The following PRRX1 variants were observed in gnomAD, a reference collection of about 807,000 sequenced individuals.
PRRX1 encodes paired related homeobox 1, also known as paired mesoderm homeobox protein 1.
Under a neutral mutation model 24.0 loss-of-function variants are expected in PRRX1, and 8 were observed. The observed-to-expected ratio is 0.33, with a 90% CI of 0.20 to 0.60. The LOEUF is 0.60. Ranked by LOEUF, PRRX1 falls within the 20% of genes least tolerant of loss-of-function variation. PRRX1 has a pLI of 0.82. For synonymous variants in PRRX1, 160 were observed against 131.7 expected, an observed-to-expected ratio of 1.22 and a Z score of -1.47; for missense variants, 281 against 322.4, an observed-to-expected ratio of 0.87 and a Z score of 0.98.
At chr1:170,683,918 C>T (rs574710652) in intron 1 of PRRX1, among the ~76,000 whole-genome samples, 2 of 152,206 alleles carry the variant, frequency 1.3e-5, no homozygotes, top group East Asian at 1.9e-4. Flanking sequence ...GAAACAGTAA[C>T]CAAAATTCAG....
chr1:170,664,045 ATTT>A (rs11286665), upstream of PRRX1: 38 of 548,674 alleles, frequency 6.9e-5, no homozygotes, highest in Non-Finnish European at 9.3e-5. Context: ...CTCTTTTCCA[ATTT>A]TTTTTTTTTG....
At chr1:170,676,848 A>G (rs1653335513) in intron 1 of PRRX1, among the ~76,000 whole-genome samples, 1 of 152,182 alleles carries the variant, frequency 6.6e-6, no homozygotes. Flanking sequence ...ACATATTGCC[A>G]TGCTGCACAG....
At chr1:170,667,653 C>A (rs1460704665) in intron 1 of PRRX1, 2 of 152,184 alleles carry the variant, frequency 1.3e-5, no homozygotes, top group Non-Finnish European at 2.9e-5. Flanking sequence ...AGCAGACTCT[C>A]CCCCACCCCC....
intron 3 of PRRX1, among the ~76,000 whole-genome samples, chr1:170,731,675 A>G (rs566274932): frequency 3.3e-5 from 5 of 152,286 alleles, no homozygotes; most frequent in African/African-American, 9.6e-5. Context: ...AATGATAAAA[A>G]ATGATTTGTC....
chr1:170,703,561 AC>A (rs766237301), intron 1 of PRRX1, among the ~76,000 whole-genome samples: 1 of 152,178 alleles, frequency 6.6e-6, no homozygotes, highest in Non-Finnish European at 1.5e-5. Flanking sequence ...CTCTGTCTTC[AC>A]AGAGTTTATA....
chr1:170,716,392 GGCTAA>G (rs1654908477), intron 1 of PRRX1, among the ~76,000 whole-genome samples: 1 of 152,208 alleles, frequency 6.6e-6, no homozygotes, highest in South Asian at 2.1e-4. Flanking sequence ...AGACCATCCC[GGCTAA>G]CACGGTGAAA....
intron 1 of PRRX1, among the ~76,000 whole-genome samples, chr1:170,687,737 G>T (rs1299226931): frequency 1.3e-5 from 2 of 152,124 alleles, no homozygotes; most frequent in Non-Finnish European, 2.9e-5. Flanking sequence ...AACAGACATT[G>T]TGGAGTCCGT....
chr1:170,706,194 A>G (rs1228114684), intron 1 of PRRX1, among the ~76,000 whole-genome samples: 1 of 152,242 alleles, frequency 6.6e-6, no homozygotes, highest in Non-Finnish European at 1.5e-5. Context: ...GTGTTATTTA[A>G]AAATAGTCAA....
rs948448728 is a variant in PRRX1, at chr1:170,738,223, T to C, written c.*2037T>C. 17 of 223,946 alleles carry C rather than the reference T, an allele frequency of 7.6e-5. No homozygotes were observed. Among genetic ancestry groups the C allele is most frequent in the Admixed American group, 6.3e-4 (11 of 17,442 alleles). The allele number at this position is 223,946 out of a possible 1,614,324, so 13.9% of individuals were successfully genotyped here. On this transcript the variant is annotated 3_prime_UTR_variant, in exon 4 of 4. Transcript: ENST00000239461. ...TTGTAGTCTGAGTGACAGGCAAGGA[T>C]TTTTGGGTTTAAGATGCACTTTTAG...
Position 170,705,340 on chromosome 1 carries a change from G to A in PRRX1, c.242-14386G>A, listed in dbSNP as rs1249678204. Among the ~76,000 whole-genome samples, 5 of 152,266 alleles carry A rather than the reference G, an allele frequency of 3.3e-5. No homozygotes were observed. In the South Asian group the frequency reaches 8.3e-4, roughly 25 times the overall value. On this transcript the variant is annotated intron_variant, in intron 1 of 3. Transcript: ENST00000239461. Reference sequence around the variant, plus strand: ...TCTGTTGCCCAGGCTGGAGTGCAGTGGCACAATCATGGCCTCAGTGCAGCC... The same window carrying A: ...TCTGTTGCCCAGGCTGGAGTGCAGTAGCACAATCATGGCCTCAGTGCAGCC...
chr1:170,679,777 C>T (rs1163142221), intron 1 of PRRX1, among the ~76,000 whole-genome samples: 1 of 152,100 alleles, frequency 6.6e-6, no homozygotes, highest in Non-Finnish European at 1.5e-5. Flanking sequence ...AAACATGTGT[C>T]AAAGAAGTGG....
intron 1 of PRRX1, among the ~76,000 whole-genome samples, chr1:170,706,552 A>T (rs1236966899): frequency 6.6e-6 from 1 of 152,176 alleles, no homozygotes; most frequent in Non-Finnish European, 1.5e-5. Context: ...TGATCCACTG[A>T]CGTTCCCCCG....
chr1:170,723,934 A>G (rs866401207), intron 2 of PRRX1, among the ~76,000 whole-genome samples: 7 of 118,372 alleles, frequency 5.9e-5, no homozygotes, highest in South Asian at 3.6e-4. Context: ...CCACTGTCGT[A>G]TATGAGGTCC....
At chr1:170,677,922 T>C (rs1653376486) in intron 1 of PRRX1, among the ~76,000 whole-genome samples, 2 of 152,326 alleles carry the variant, frequency 1.3e-5, no homozygotes, top group South Asian at 2.1e-4. Flanking sequence ...TGACATATGC[T>C]TGGGACACAA....
chr1:170,671,834 A>G (rs891232311), intron 1 of PRRX1, among the ~76,000 whole-genome samples: 1 of 152,110 alleles, frequency 6.6e-6, no homozygotes, highest in Non-Finnish European at 1.5e-5. Flanking sequence ...CCTGGGTTCC[A>G]TGGCGGAGGA....
rs1016254836 is a variant in PRRX1, at chr1:170,736,556, A to G, written c.*370A>G. 5.5e-5 allele frequency: 12 copies of G among 219,210 alleles called. No individual in the cohort carries two copies. The highest frequency in any genetic ancestry group is 1.5e-3 in the Middle Eastern group (1 of 656). 13.6% of individuals were successfully genotyped at this position (219,210 alleles called of 1,614,324 possible). ...GCAGCCAAAGAAACTATATATATAT[A>G]TATATATATATATATCCAGAATGAT... On this transcript the variant is annotated 3_prime_UTR_variant, in exon 4 of 4. Transcript: ENST00000239461.
In PRRX1 at chr1:170,736,261, C is replaced by G; in HGVS notation, c.*75C>G. ...CACCTATCCTGCTCTGTTATTTCTTCATCTGCTGGGGGGAAAAAGTAAATT... is the reference window on the plus strand; with the variant it reads ...CACCTATCCTGCTCTGTTATTTCTTGATCTGCTGGGGGGAAAAAGTAAATT... On this transcript the variant is annotated 3_prime_UTR_variant, in exon 4 of 4. Transcript: ENST00000239461. 1 of 1,571,850 alleles carries G rather than the reference C, an allele frequency of 6.4e-7. No homozygotes were observed. Among genetic ancestry groups the G allele is most frequent in the South Asian group, 1.1e-5 (1 of 88,956 alleles).
At chr1:170,694,334 A>G (rs541618) in intron 1 of PRRX1, among the ~76,000 whole-genome samples, 79,057 of 151,958 alleles carry the variant, frequency 0.52, 20,731 homozygotes, top group Middle Eastern at 0.69. Flanking sequence ...TTCCTTCTCC[A>G]GTATTCCTGG....
chr1:170,736,846 A>T lies in PRRX1; in HGVS notation c.*660A>T, dbSNP rs1453212670. The T allele has an allele frequency of 1.0e-5, 2 of 194,556 alleles. No individual in the cohort carries two copies. Among genetic ancestry groups the T allele is most frequent in the Non-Finnish European group, 2.1e-5 (2 of 93,334 alleles). 12.1% of individuals were successfully genotyped at this position (194,556 alleles called of 1,614,324 possible). On this transcript the variant is annotated 3_prime_UTR_variant, in exon 4 of 4. Coordinates refer to ENST00000239461, the MANE Select transcript of PRRX1 (RefSeq NM_022716.4). ...CAATGTAATTGGCTGCGTCTGGCTAATTCTAAGCACTAAAGTCTACATCTA... is the reference window on the plus strand; with the variant it reads ...CAATGTAATTGGCTGCGTCTGGCTATTTCTAAGCACTAAAGTCTACATCTA...
Sources: gnomAD v4.1 joint callset for allele counts (sites outside exome capture counted in the v4.1 genomes callset) on GRCh38, gnomAD v4.1.1 for gene constraint, MANE v1.5 for transcripts, NCBI Gene and HGNC (gene_info 2026-07-23, HGNC 2026-07-21) for gene names.